Variants in ANK2 observed in about 807,000 individuals in gnomAD.
ANK2 encodes the protein ankyrin 2.
ANK2 carries 83 observed loss-of-function variants against 360.5 expected under a neutral mutation model. The observed-to-expected ratio is 0.23, with a 90% CI of 0.19 to 0.28. The LOEUF is 0.28. ANK2 is among the 10% of genes least tolerant of loss of function. The pLI is 1.00. For missense variants in ANK2, 4,201 were observed against 4,795.7 expected (o/e 0.88, Z 3.66); for synonymous variants, 1,740 against 1,759.5 (o/e 0.99, Z 0.28).
At chr4:113,261,914 G>A (rs889673114) in intron 13 of ANK2, among the ~76,000 whole-genome samples, 7 of 152,168 alleles carry the variant, frequency 4.6e-5, no homozygotes, top group Non-Finnish European at 4.4e-5. Context: ...AAGGCCAAGC[G>A]TGGTGGTGGA....
intron 16 of ANK2, 77 bp downstream of exon 16, chr4:113,278,012 A>C: frequency 5.8e-6 from 8 of 1,379,498 alleles, no homozygotes; most frequent in African/African-American, 1.4e-5. Context: ...CATTTTTCTC[A>C]CTTCTCTGAA....
At chr4:113,022,829 A>C (rs1365445883) in intron 2 of ANK2, among the ~76,000 whole-genome samples, 1 of 152,212 alleles carries the variant, frequency 6.6e-6, no homozygotes, top group Non-Finnish European at 1.5e-5. Context: ...AATGCTGTTG[A>C]ATTTCAAGAG....
chr4:113,285,107 C>T (rs544305105), intron 18 of ANK2, among the ~76,000 whole-genome samples: 1 of 151,544 alleles, frequency 6.6e-6, no homozygotes, highest in South Asian at 2.1e-4. Flanking sequence ...AAAAGAACTT[C>T]AACACTTTCT....
chr4:113,092,923 C>A (rs2089243447), intron 1 of ANK2, among the ~76,000 whole-genome samples: 2 of 151,962 alleles, frequency 1.3e-5, no homozygotes, highest in Non-Finnish European at 1.5e-5. Context: ...TTTTAAAAAT[C>A]AAAAAATTAG....
chr4:112,801,172 T>C, the ANK2 span, among the ~76,000 whole-genome samples: 1 of 151,754 alleles, frequency 6.6e-6, no homozygotes, highest in African/African-American at 2.4e-5. Flanking sequence ...CCTATAGAGG[T>C]GGGGAGAATG....
At chr4:112,934,123 C>T (rs190334772) in intron 2 of ANK2, among the ~76,000 whole-genome samples, 30 of 151,672 alleles carry the variant, frequency 2.0e-4, no homozygotes, top group African/African-American at 6.3e-4. Flanking sequence ...AGTGTAGTTT[C>T]GGGAGACAGA....
At chr4:112,827,579 G>A (rs547043349) in intron 1 of ANK2, 34 of 1,045,416 alleles carry the variant, frequency 3.3e-5, no homozygotes, top group African/African-American at 1.9e-4. Flanking sequence ...AAATATTCTC[G>A]AGCTCTATAC....
intron 1 of ANK2, among the ~76,000 whole-genome samples, chr4:113,054,333 A>T (rs1269846238): frequency 6.6e-6 from 1 of 151,892 alleles, no homozygotes; most frequent in African/African-American, 2.4e-5. Context: ...ACACACACAC[A>T]CACACACATA....
chr4:112,868,886 G>T (rs11730064), intron 1 of ANK2, among the ~76,000 whole-genome samples: 4,085 of 151,860 alleles, frequency 0.027, 75 homozygotes, highest in Middle Eastern at 0.041. Flanking sequence ...ATATATTATG[G>T]ATACTAAATC....
At chr4:112,908,026 C>T (rs1046729822) in intron 2 of ANK2, among the ~76,000 whole-genome samples, 2 of 152,142 alleles carry the variant, frequency 1.3e-5, no homozygotes, top group Non-Finnish European at 2.9e-5. Context: ...GTTGCTTTTC[C>T]ATTAGGGTAT....
At chr4:113,167,601 G>T (rs1051460063) in intron 1 of ANK2, among the ~76,000 whole-genome samples, 31 of 151,926 alleles carry the variant, frequency 2.0e-4, no homozygotes, top group Non-Finnish European at 3.5e-4. Context: ...CGCCCGGCCA[G>T]GTCACCATCT....
At chr4:112,811,871 T>G in the ANK2 span, among the ~76,000 whole-genome samples, 1 of 152,080 alleles carries the variant, frequency 6.6e-6, no homozygotes, top group Non-Finnish European at 1.5e-5. Flanking sequence ...GTCAGGAGAT[T>G]GAGACCATCC....
At chr4:113,289,713 A>G (rs1368441297) in intron 20 of ANK2, among the ~76,000 whole-genome samples, 1 of 152,244 alleles carries the variant, frequency 6.6e-6, no homozygotes, top group East Asian at 1.9e-4. Context: ...AAATAAACTT[A>G]TTTTTAAACT....
upstream of ANK2, among the ~76,000 whole-genome samples, chr4:113,048,272 ATATATTTTTTTTTTTTTTTTTTTTTT>A (rs2065360794): frequency 8.3e-5 from 4 of 48,014 alleles, no homozygotes; most frequent in Admixed American, 1.3e-3. Context: ...ATATATATAT[ATATATTTTTTTTTTTTTTTTTTTTTT>A]TTTTTTTTTT....
chr4:113,375,710 G>A (rs527341593), intron 45 of ANK2, among the ~76,000 whole-genome samples: 2 of 148,122 alleles, frequency 1.4e-5, no homozygotes, highest in South Asian at 4.3e-4. Flanking sequence ...GGGCAACAGA[G>A]CGAGAATTCG....
the ANK2 span, among the ~76,000 whole-genome samples, chr4:112,749,207 T>C: frequency 6.6e-6 from 1 of 152,172 alleles, no homozygotes; most frequent in African/African-American, 2.4e-5. Context: ...GCCTGACCTA[T>C]GATTTTAAGT....
chr4:113,322,058 A>T (rs1245413205), intron 26 of ANK2, among the ~76,000 whole-genome samples: 2 of 152,176 alleles, frequency 1.3e-5, no homozygotes, highest in Admixed American at 1.3e-4. Context: ...GATAGAGGTG[A>T]TAATAAAGTT....
At chr4:112,972,073 C>T (rs2039737047) in intron 2 of ANK2, among the ~76,000 whole-genome samples, 2 of 152,134 alleles carry the variant, frequency 1.3e-5, no homozygotes, top group South Asian at 2.1e-4. Context: ...AGTGGTCTTG[C>T]AAGGGCAAGA....
intron 1 of ANK2, among the ~76,000 whole-genome samples, chr4:113,059,074 G>T (rs2071709170): frequency 6.6e-6 from 1 of 152,024 alleles, no homozygotes; most frequent in Admixed American, 6.6e-5. Context: ...TCTTTTATAT[G>T]GGCACTAATT....
Sources: gnomAD v4.1 joint callset for allele counts (sites outside exome capture counted in the v4.1 genomes callset) on GRCh38, gnomAD v4.1.1 for gene constraint, MANE v1.5 for transcripts, NCBI Gene and HGNC (gene_info 2026-07-23, HGNC 2026-07-21) for gene names.